Variants in ROBO4 observed in about 807,000 individuals in gnomAD.
ROBO4 encodes roundabout guidance receptor 4.
ROBO4 carries 80 observed loss-of-function variants against 103.3 expected under a neutral mutation model. The observed-to-expected ratio is 0.77, with a 90% CI of 0.65 to 0.93. ROBO4 has a LOEUF of 0.93. ROBO4 is among the 40% of genes least tolerant of loss of function. The pLI, the probability that ROBO4 is intolerant of heterozygous loss-of-function variation, is 0.00. For missense variants in ROBO4, 1,333 were observed against 1,305.3 expected (o/e 1.02, Z -0.33); for synonymous variants, 504 against 529.7 (o/e 0.95, Z 0.67).
At chr11:124,889,168 G>C (rs1437313789) in intron 12 of ROBO4, among the ~76,000 whole-genome samples, 1 of 152,184 alleles carries the variant, frequency 6.6e-6, no homozygotes, top group Non-Finnish European at 1.5e-5. Context: ...GTTTCCTTTG[G>C]TACTTTGGCT....
chr11:124,897,368 G>T, intron 1 of ROBO4, 107 bp from the exon 2 acceptor site: 1 of 891,538 alleles, frequency 1.1e-6, no homozygotes, highest in Non-Finnish European at 1.6e-6. Flanking sequence ...CAGAAAACCT[G>T]TAATCTGAAC....
Position 124,886,232 on chromosome 11 carries a change from C to T in ROBO4, c.2794+232G>A, listed in dbSNP as rs1591529505. On this transcript the variant is annotated intron_variant, in intron 16 of 17. Coordinates refer to ENST00000306534, the MANE Select transcript of ROBO4 (RefSeq NM_019055.6). ...AATTTGTCCTTGTTCTGTGGGTGAA[C>T]TTGGGCAAGCCAATAAAATTATCTG... The T allele has an allele frequency of 5.3e-5, 24 of 454,352 alleles. No individual in the cohort carries two copies. The East Asian group carries it at 8.3e-4, about 16-fold the overall frequency. The allele number at this position is 454,352 out of a possible 1,614,324, so 28.1% of individuals were successfully genotyped here. A position where few individuals can be genotyped will look rare whatever the true frequency, so the allele number is the denominator to read the frequency against.
Position 124,896,480 on chromosome 11 carries a change from A to G in ROBO4, c.558+33T>C, listed in dbSNP as rs190532646. ...GGGTGTACCCAGGTCTGCCCAGGCC[A>G]GGATGAAGTGTGGGGGAGGGGGCCA... On this transcript the variant is annotated intron_variant, in intron 3 of 17. Coordinates refer to ENST00000306534, the MANE Select transcript of ROBO4 (RefSeq NM_019055.6). 1.9e-6 allele frequency: 3 copies of G among 1,609,162 alleles called. No individual in the cohort carries two copies. In the Admixed American group the frequency reaches 5.0e-5, roughly 27 times the overall value.
At position 124,891,515 on chromosome 11, in the gene ROBO4, T is replaced by A. The variant is rs1946797102; in HGVS notation, c.1732A>T (p.Thr578Ser). Residue 578 changes from threonine (T) to serine (S), a missense_variant, in exon 12 of 18, where the codon ACC becomes TCC. By Grantham distance (58) the Thr-to-Ser change is moderately conservative. Transcript: ENST00000306534. ...RSPGVPLLPD[T>S]STFYGSLIAE... is the part of the protein sequence containing the mutation. ...ATGAGGGAGCCATAAAAAGTGCTGG[T>A]GTCTGGAAGCAGGGGCACGCCGGGG... 1.2e-6 allele frequency: 2 copies of A among 1,614,018 alleles called. No individual in the cohort carries two copies. The highest frequency in any genetic ancestry group is 2.7e-5 in the African/African-American group (2 of 74,914).
chr11:124,894,556 TAGA>T (rs1461036405), intron 7 of ROBO4, 187 bp from the exon 8 acceptor site: 1 of 584,832 alleles, frequency 1.7e-6, no homozygotes, highest in African/African-American at 1.9e-5. Context: ...AGATCAACAG[TAGA>T]AGGGCACAAG....
intron 7 of ROBO4, 75 bp from the exon 8 acceptor site, chr11:124,894,444 C>A: frequency 2.1e-6 from 3 of 1,451,578 alleles, no homozygotes; most frequent in Admixed American, 2.0e-5. Context: ...GCAGATCAGA[C>A]TCCAGGGGTG....
In ROBO4 at chr11:124,896,497, AG is replaced by A. The variant is rs779912829; in HGVS notation, c.558+15del. The A allele has an allele frequency of 6.8e-6, 11 of 1,611,216 alleles. No individual in the cohort carries two copies. The highest frequency in any genetic ancestry group is 6.7e-5 in the African/African-American group (5 of 74,768). On this transcript the variant is annotated intron_variant, in intron 3 of 17. Transcript: ENST00000306534. ...CCCAGGCCAGGATGAAGTGTGGGGG[AG>A]GGGGCCACACTTACTGTGTGCCTTC...
rs556726537 is a variant in ROBO4, at chr11:124,885,163, C to T, written c.2879G>A (p.Trp960Ter). The T allele has an allele frequency of 1.2e-6, 2 of 1,613,924 alleles. No homozygotes were observed. The highest frequency in any genetic ancestry group is 3.3e-5 in the Admixed American group (2 of 60,006). The change falls in exon 17 of 18, where the codon TGG (tryptophan) becomes TAG (stop). Residue 960 changes from tryptophan to a stop codon, truncating the protein, a stop_gained. Coordinates refer to ENST00000306534, the MANE Select transcript of ROBO4 (RefSeq NM_019055.6). LOFTEE classifies it high-confidence loss of function. ...GTGGCTGACCTCCATGTCTTCCAAC[C>T]AGTCTGGCCTCCACTCCCACAGGGG... Reference protein sequence around the residue: ...SLPLWEWRPDWLEDMEVSHTQ... With the variant: ...SLPLWEWRPD
At chr11:124,894,543 T>A in intron 7 of ROBO4, 174 bp from the exon 8 acceptor site, 1 of 609,432 alleles carries the variant, frequency 1.6e-6, no homozygotes. Context: ...GATACCTCTC[T>A]CTAGATCAAC....
intron 2 of ROBO4, 38 bp downstream of exon 2, chr11:124,896,894 G>A (rs183133908): frequency 1.3e-6 from 2 of 1,592,384 alleles, no homozygotes; most frequent in Non-Finnish European, 1.7e-6. Flanking sequence ...TCTCCACCCA[G>A]GTTTGCCCCA....
chr11:124,889,518 G>T (rs1292339752), intron 12 of ROBO4, among the ~76,000 whole-genome samples: 2 of 152,162 alleles, frequency 1.3e-5, no homozygotes, highest in Non-Finnish European at 2.9e-5. Context: ...TGTTATCAAG[G>T]TGAAAGGTTG....
chr11:124,891,196 G>T (rs546680255), intron 12 of ROBO4, 103 bp downstream of exon 12: 7 of 1,358,532 alleles, frequency 5.2e-6, no homozygotes, highest in Middle Eastern at 2.7e-4. Context: ...AGGGTGTGGA[G>T]GTTGCACGCC....
At chr11:124,885,620 TTAG>T in intron 16 of ROBO4, among the ~76,000 whole-genome samples, 1 of 147,826 alleles carries the variant, frequency 6.8e-6, no homozygotes, top group East Asian at 2.0e-4. Context: ...AGAGTTAAGG[TTAG>T]TAAAATGGGG....
chr11:124,893,097 A>T (rs762763881), intron 10 of ROBO4: 1 of 156,430 alleles, frequency 6.4e-6, no homozygotes, highest in Non-Finnish European at 1.4e-5. Flanking sequence ...GCGGTTACTT[A>T]GTACAAAACT....
rs758624847 is a variant in ROBO4 at position 124,891,390 on chromosome 11, GGAA to G, written c.1854_1856del (p.Ser621del). On this transcript the variant is annotated inframe_deletion, in exon 12 of 18. Coordinates refer to ENST00000306534, the MANE Select transcript of ROBO4 (RefSeq NM_019055.6). The stretch of plus-strand genomic sequence containing the variant: ...TGCGGCTGCAGAGGCTGTCTGAGCT[GGAA>G]CAGGGGCTGGAGAGCTGGGCCAGCT... 17 of 1,571,188 alleles carry G rather than the reference GGAA, an allele frequency of 1.1e-5. No homozygotes were observed. The highest frequency in any genetic ancestry group is 1.5e-5 in the Non-Finnish European group (17 of 1,157,982).
chr11:124,885,608 A>T (rs569398648), intron 16 of ROBO4, among the ~76,000 whole-genome samples: 33 of 145,318 alleles, frequency 2.3e-4, no homozygotes, highest in Non-Finnish European at 4.4e-4. Context: ...GGGGCAAAGG[A>T]TAGAGTTAAG....
At position 124,887,129 on chromosome 11, in the gene ROBO4, G is replaced by T. The variant is rs141824908; in HGVS notation, c.2283C>A (p.Ser761Arg). The change falls in exon 15 of 18, where the codon AGC (serine) becomes AGA (arginine). Residue 761 changes from serine to arginine, a missense_variant. Ser to Arg is a moderately radical substitution (Grantham distance 110). Coordinates refer to ENST00000306534, the MANE Select transcript of ROBO4 (RefSeq NM_019055.6). The part of the protein sequence containing the change: ...IPILSPCSPP[S>R]PQASSLSGPS... The stretch of plus-strand genomic sequence containing the variant: ...GGCCAGAGAGGGAAGAGGCCTGGGG[G>T]CTAGGGGGACTGCAGGGGCTAAGGA... 3.1e-4 allele frequency: 498 copies of T among 1,613,352 alleles called. No homozygotes were observed. The highest frequency in any genetic ancestry group is 3.7e-4 in the Non-Finnish European group (441 of 1,179,680).
chr11:124,895,240 T>C (rs377368761), intron 6 of ROBO4, 47 bp from the exon 7 acceptor site: 13 of 1,470,896 alleles, frequency 8.8e-6, no homozygotes, highest in Non-Finnish European at 9.5e-6. Flanking sequence ...GGGAGAGGAC[T>C]CTAGGGAAAG....
Position 124,893,989 on chromosome 11 carries a change from C to T in ROBO4, c.1375G>A (p.Glu459Lys). The T allele has an allele frequency of 6.3e-7, 1 of 1,585,144 alleles. No homozygotes were observed. The highest frequency in any genetic ancestry group is 8.6e-7 in the Non-Finnish European group (1 of 1,167,128). The change falls in exon 9 of 18, where the codon GAG (glutamate) becomes AAG (lysine). Residue 459 changes from glutamate to lysine, a missense_variant. By Grantham distance (56) the Glu-to-Lys change is moderately conservative. Transcript: ENST00000306534. ...CGCTTCAAGGTAGCCCTCAGCTGCT[C>T]CAGGGTCCAGGGACCATGCTCACTG... is the stretch of plus-strand genomic sequence containing the variant. ...EPSEHGPWTLEQLRATLKRPE... is the reference protein window; with the variant it reads ...EPSEHGPWTLKQLRATLKRPE...
Sources: gnomAD v4.1 joint callset for allele counts (sites outside exome capture counted in the v4.1 genomes callset) on GRCh38, gnomAD v4.1.1 for gene constraint, MANE v1.5 for transcripts, NCBI Gene and HGNC (gene_info 2026-07-23, HGNC 2026-07-21) for gene names.